SGCD: variants seen among roughly 807,000 people sequenced by gnomAD.
The protein encoded by SGCD is sarcoglycan delta, also known as delta-sarcoglycan.
A neutral mutation model predicts 36.6 loss-of-function variants in SGCD; 18 were observed. That is an observed-to-expected ratio of 0.49 (90% confidence interval 0.34 to 0.73). SGCD has a LOEUF of 0.73. SGCD is among the 30% of genes least tolerant of loss of function. SGCD has a pLI of 0.01. For missense variants in SGCD, 387 were observed against 346.7 expected (o/e 1.12, Z -0.92); for synonymous variants, 133 against 130.6 (o/e 1.02, Z -0.12).
chr5:156,202,848 G>C (rs187720097), intron 3 of SGCD, among the ~76,000 whole-genome samples: 41 of 148,048 alleles, frequency 2.8e-4, no homozygotes, highest in Non-Finnish European at 5.3e-4. Flanking sequence ...CCCTGTTTCT[G>C]TATGCCTCTT....
At chr5:156,688,012 C>G (rs142840632) in intron 7 of SGCD, among the ~76,000 whole-genome samples, 33 of 152,300 alleles carry the variant, frequency 2.2e-4, no homozygotes, top group African/African-American at 7.7e-4. Context: ...CACTATCTCA[C>G]TGCACAGCCA....
At chr5:155,994,424 C>T (rs572289056) in intron 1 of SGCD, among the ~76,000 whole-genome samples, 1 of 152,276 alleles carries the variant, frequency 6.6e-6, no homozygotes, top group East Asian at 1.9e-4. Context: ...TTCACCTCTC[C>T]TAGGACTTGG....
At position 156,256,593 on chromosome 5, in the gene SGCD, G is replaced by A. The variant is rs773607892; in HGVS notation, c.-43-72941G>A. Reference sequence around the variant, plus strand: ...TTGATAGATATTTGGTTCATTTCCCGTTCTTAGTAATTTTGATGAGATTGC... The same window carrying A: ...TTGATAGATATTTGGTTCATTTCCCATTCTTAGTAATTTTGATGAGATTGC... On this transcript the variant is annotated intron_variant, in intron 3 of 9. Coordinates refer to the SGCD transcript ENST00000517913. Among the ~76,000 whole-genome samples, 20 of 152,118 alleles carry A rather than the reference G, an allele frequency of 1.3e-4. No homozygotes were observed. The East Asian group carries it at 1.4e-3, about 10-fold the overall frequency.
At chr5:156,464,256 T>C (rs1378508131) in intron 3 of SGCD, among the ~76,000 whole-genome samples, 1 of 136,822 alleles carries the variant, frequency 7.3e-6, no homozygotes, top group East Asian at 2.2e-4. Flanking sequence ...AGTCTCACCC[T>C]GTCACCCAGG....
In SGCD at chr5:155,954,019, G is replaced by A. The variant is rs112141019; in HGVS notation, c.-282+83595G>A. On this transcript the variant is annotated intron_variant, in intron 1 of 9. Coordinates refer to the SGCD transcript ENST00000517913. ...CGGAGACAGATATTTTTATTATTTC[G>A]TAGCAGAAATGGAGGCATATTTAGG... Among the ~76,000 whole-genome samples the A allele has an allele frequency of 1.9e-3, 286 of 152,180 alleles. 2 individuals carry two copies. The highest frequency in any genetic ancestry group is 2.8e-3 in the Non-Finnish European group (190 of 68,002).
rs1760408377 is a variant in SGCD at position 156,068,426 on chromosome 5, T to C, written c.-281-49452T>C. Reference sequence around the variant, plus strand: ...CTGAGAATGATGATTTCCAATTTCATCCATGTCCCTACAAAGGACATGAAC... The same window carrying C: ...CTGAGAATGATGATTTCCAATTTCACCCATGTCCCTACAAAGGACATGAAC... On this transcript the variant is annotated intron_variant, in intron 1 of 9. Transcript: ENST00000517913. 1.3e-5 allele frequency among the ~76,000 whole-genome samples: 2 copies of C among 152,132 alleles called. 1 individual carries two copies. The highest frequency in any genetic ancestry group is 4.8e-5 in the African/African-American group (2 of 41,392).
chr5:155,894,209 T>C (rs893204232), intron 1 of SGCD, among the ~76,000 whole-genome samples: 1 of 152,190 alleles, frequency 6.6e-6, no homozygotes, highest in Non-Finnish European at 1.5e-5. Flanking sequence ...TTAACCTTAC[T>C]TATTGTAACT....
intron 3 of SGCD, among the ~76,000 whole-genome samples, chr5:156,389,802 G>A (rs180971729): frequency 2.0e-5 from 3 of 152,282 alleles, no homozygotes; most frequent in Admixed American, 2.0e-4. Flanking sequence ...GTGACCTTGA[G>A]CAAGTGATTA....
At chr5:156,670,739 A>G (rs894398942) in intron 7 of SGCD, among the ~76,000 whole-genome samples, 1 of 152,170 alleles carries the variant, frequency 6.6e-6, no homozygotes, top group Non-Finnish European at 1.5e-5. Context: ...TATAATATGA[A>G]TGAGAGTAAG....
At chr5:155,985,845 A>G (rs1322032697) in intron 1 of SGCD, among the ~76,000 whole-genome samples, 1 of 152,144 alleles carries the variant, frequency 6.6e-6, no homozygotes, top group Non-Finnish European at 1.5e-5. Flanking sequence ...GTGCCTTTGG[A>G]GCTGTCCCTC....
intron 1 of SGCD, among the ~76,000 whole-genome samples, chr5:155,941,205 G>A (rs1189875569): frequency 2.6e-5 from 4 of 152,154 alleles, no homozygotes; most frequent in Admixed American, 6.5e-5. Flanking sequence ...TGATAATGAC[G>A]TTAATCAATT....
chr5:155,913,893 T>A lies in SGCD; in HGVS notation c.-282+43469T>A, dbSNP rs191439402. Among the ~76,000 whole-genome samples the A allele has an allele frequency of 5.0e-4, 76 of 152,356 alleles. 1 individual carries two copies. The highest frequency in any genetic ancestry group is 1.8e-3 in the African/African-American group (73 of 41,584). On this transcript the variant is annotated intron_variant, in intron 1 of 9. Coordinates refer to the SGCD transcript ENST00000517913. ...AAGACCGTGGAAACAGTTTCCCTGC[T>A]ACTAACCTTTATTAGTCTCATGAAT...
At chr5:156,235,592 A>T (rs866411474) in intron 3 of SGCD, among the ~76,000 whole-genome samples, 9 of 152,288 alleles carry the variant, frequency 5.9e-5, no homozygotes, top group Middle Eastern at 3.4e-3. Context: ...AATTAAGTTC[A>T]TTTCTTAATG....
chr5:156,168,278 G>A (rs543568509), intron 3 of SGCD, among the ~76,000 whole-genome samples: 3 of 151,916 alleles, frequency 2.0e-5, no homozygotes, highest in Non-Finnish European at 2.9e-5. Context: ...TAGAATGTTC[G>A]TTAACTCACT....
intron 3 of SGCD, among the ~76,000 whole-genome samples, chr5:156,220,842 C>A (rs1448082200): frequency 6.6e-6 from 1 of 152,070 alleles, no homozygotes; most frequent in Non-Finnish European, 1.5e-5. Flanking sequence ...CTTCCTTTAA[C>A]TGAATTTAAT....
chr5:156,393,527 T>C (rs1002328295), intron 3 of SGCD, among the ~76,000 whole-genome samples: 9 of 152,266 alleles, frequency 5.9e-5, no homozygotes, highest in Non-Finnish European at 1.0e-4. Flanking sequence ...ATTTAGTTTA[T>C]TGTATCTGTG....
chr5:156,055,194 T>C (rs1760029994), intron 1 of SGCD, among the ~76,000 whole-genome samples: 1 of 146,200 alleles, frequency 6.8e-6, no homozygotes, highest in Admixed American at 6.8e-5. Flanking sequence ...GGCTACTCCT[T>C]TTTTTTCTTT....
At chr5:156,656,882 G>A (rs934870596) in intron 7 of SGCD, among the ~76,000 whole-genome samples, 2 of 152,092 alleles carry the variant, frequency 1.3e-5, no homozygotes, top group African/African-American at 2.4e-5. Context: ...TGAACATCCT[G>A]TAGGGTTTCT....
At chr5:156,456,395 G>A (rs1303700942) in intron 3 of SGCD, among the ~76,000 whole-genome samples, 3 of 152,172 alleles carry the variant, frequency 2.0e-5, no homozygotes, top group South Asian at 4.2e-4. Flanking sequence ...TTCTGGCAAG[G>A]TCTTAAACCA....
Sources: allele counts gnomAD v4.1 joint callset (sites outside exome capture counted in the v4.1 genomes callset), GRCh38; gene constraint gnomAD v4.1.1; transcripts MANE v1.5; gene names NCBI Gene and HGNC (gene_info 2026-07-23, HGNC 2026-07-21).